The following SMARCAL1 variants were observed in gnomAD, a reference collection of about 807,000 sequenced individuals.
SMARCAL1 encodes the protein SNF2 related chromatin remodeling annealing helicase 1, also known as ATP-driven annealing helicase.
Under a neutral mutation model 94.5 loss-of-function variants are expected in SMARCAL1, and 58 were observed. The ratio of observed to expected loss-of-function variants is 0.61; its 90% CI spans 0.50 to 0.76. SMARCAL1 has a LOEUF of 0.76. Among genes scored for constraint, SMARCAL1 ranks in the 30% least tolerant of loss-of-function variants. The pLI, the probability that SMARCAL1 is intolerant of heterozygous loss-of-function variation, is 0.00. For synonymous variants in SMARCAL1, 422 were observed against 455.1 expected (o/e 0.93, Z 0.93); for missense variants, 1,051 against 1,177.9 (o/e 0.89, Z 1.58).
intron 5 of SMARCAL1, among the ~76,000 whole-genome samples, chr2:216,421,423 G>A (rs932816544): frequency 1.3e-5 from 2 of 152,032 alleles, no homozygotes; most frequent in South Asian, 2.1e-4. Flanking sequence ...TCAGCCTCCC[G>A]AGTAGCAGGG....
intron 7 of SMARCAL1, 42 bp from the exon 8 acceptor site, chr2:216,432,676 A>G (rs370738393): frequency 1.9e-6 from 3 of 1,612,756 alleles, no homozygotes; most frequent in Non-Finnish European, 1.7e-6. Flanking sequence ...AGATGAACTC[A>G]TGCCCCGGGA....
rs775041201 is a variant in SMARCAL1 at position 216,482,112 on chromosome 2, A to G, written c.2626-626A>G. ...TGTTAAATGTGTGTATGTTTTTTCA[A>G]CTACTTTGAAAATTAGGTATAAGCC... On this transcript the variant is annotated intron_variant, in intron 17 of 17. Coordinates refer to ENST00000357276, the MANE Select transcript of SMARCAL1 (RefSeq NM_014140.4). This position sits in a 1 kb window ranked among gnomAD's most constrained non-coding sequence, Gnocchi z 4.3. 1.3e-5 allele frequency among the ~76,000 whole-genome samples: 2 copies of G among 152,160 alleles called. No individual in the cohort carries two copies. The highest frequency in any genetic ancestry group is 2.9e-5 in the Non-Finnish European group (2 of 68,034).
rs554164519 is a variant in SMARCAL1, at chr2:216,468,902, G to A, written c.2244+856G>A. Among the ~76,000 whole-genome samples, 8 of 152,080 alleles carry A rather than the reference G, an allele frequency of 5.3e-5. No individual in the cohort carries two copies. In the East Asian group the frequency reaches 7.7e-4, roughly 15 times the overall value. ...TAATTTTTGTATTTTTAGTAGAGAC[G>A]GGGTTTCACCATGTTGCCCAGGCTG... On this transcript the variant is annotated intron_variant, in intron 14 of 17. Coordinates refer to ENST00000357276, the MANE Select transcript of SMARCAL1 (RefSeq NM_014140.4).
rs1268583834 is a variant in SMARCAL1 at position 216,420,365 on chromosome 2, A to G, written c.929A>G (p.Glu310Gly). Reference sequence around the variant, plus strand: ...CTGGAATGGGCCTATGGCAGCAGCGAGTCACCCTCCACCAGCAGTGAGGGA... The same window carrying G: ...CTGGAATGGGCCTATGGCAGCAGCGGGTCACCCTCCACCAGCAGTGAGGGA... Reference protein sequence around the residue: ...QPLEWAYGSSESPSTSSEGQA... With the variant: ...QPLEWAYGSSGSPSTSSEGQA... Residue 310 changes from glutamate (E) to glycine (G), a missense_variant, in exon 5 of 18, where the codon GAG becomes GGG. This residue lies in a region of SMARCAL1 where 398 missense variants were observed against 395.2 expected (regional missense o/e 1.01). Transcript: ENST00000357276. The G allele has an allele frequency of 6.2e-7, 1 of 1,614,188 alleles. No individual in the cohort carries two copies. The highest frequency in any genetic ancestry group is 1.1e-5 in the South Asian group (1 of 91,088).
chr2:216,465,301 TA>T (rs1278700438), intron 13 of SMARCAL1, among the ~76,000 whole-genome samples: 6 of 152,130 alleles, frequency 3.9e-5, no homozygotes, highest in African/African-American at 1.4e-4. Context: ...TGCTGCTCGT[TA>T]AAAGGAGGGT....
chr2:216,449,608 T>C (rs1450565961), intron 11 of SMARCAL1, among the ~76,000 whole-genome samples: 1 of 152,128 alleles, frequency 6.6e-6, no homozygotes, highest in Non-Finnish European at 1.5e-5. Flanking sequence ...TTAGCAAAGG[T>C]TTATGAGACA....
intron 11 of SMARCAL1, among the ~76,000 whole-genome samples, chr2:216,450,468 G>C (rs768759418): frequency 6.6e-6 from 1 of 152,208 alleles, no homozygotes; most frequent in Non-Finnish European, 1.5e-5. Flanking sequence ...GACTCTGTAG[G>C]ATAAGCCATA....
intron 12 of SMARCAL1, among the ~76,000 whole-genome samples, chr2:216,461,975 A>T (rs1419866520): frequency 2.0e-5 from 3 of 152,226 alleles, no homozygotes; most frequent in Non-Finnish European, 2.9e-5. Context: ...AAAGTAGCTT[A>T]CATAGAAATT....
chr2:216,416,843 A>G (rs1416989207), intron 4 of SMARCAL1, among the ~76,000 whole-genome samples: 1 of 152,198 alleles, frequency 6.6e-6, no homozygotes, highest in Non-Finnish European at 1.5e-5. Flanking sequence ...CAAAAATGCA[A>G]GGAGGGGGCA....
intron 10 of SMARCAL1, among the ~76,000 whole-genome samples, chr2:216,440,972 A>G: frequency 6.6e-6 from 1 of 152,176 alleles, no homozygotes; most frequent in East Asian, 1.9e-4. Flanking sequence ...GAGAACCACC[A>G]ATCTAAATAA....
intron 12 of SMARCAL1, among the ~76,000 whole-genome samples, chr2:216,461,055 GGT>G (rs71054476): frequency 0.33 from 48,170 of 146,060 alleles, 7,630 homozygotes; most frequent in East Asian, 0.4. Context: ...ACTAGAAAGA[GGT>G]GTGTGTGTGT....
At chr2:216,453,593 C>T (rs953865267) in intron 12 of SMARCAL1, among the ~76,000 whole-genome samples, 2 of 152,202 alleles carry the variant, frequency 1.3e-5, no homozygotes, top group Admixed American at 6.5e-5. Flanking sequence ...GCATGTCTTC[C>T]AGACCCTGGC....
At chr2:216,457,247 T>TTCC (rs1694587270) in intron 12 of SMARCAL1, among the ~76,000 whole-genome samples, 1 of 152,102 alleles carries the variant, frequency 6.6e-6, no homozygotes, top group African/African-American at 2.4e-5. Flanking sequence ...ATGGGAGACT[T>TTCC]TAACACCCCA....
At chr2:216,450,771 C>T (rs1291229975) in intron 11 of SMARCAL1, 75 bp from the exon 12 acceptor site, 1 of 1,246,206 alleles carries the variant, frequency 8.0e-7, no homozygotes, top group Non-Finnish European at 1.2e-6. Context: ...AGAGGGACCT[C>T]CCGGGATCCC....
At chr2:216,465,025 T>C (rs1694802769) in intron 13 of SMARCAL1, among the ~76,000 whole-genome samples, 1 of 152,144 alleles carries the variant, frequency 6.6e-6, no homozygotes, top group African/African-American at 2.4e-5. Context: ...CATGCACCTG[T>C]GGTCCCAACT....
At chr2:216,424,426 C>T (rs1693787290) in intron 6 of SMARCAL1, among the ~76,000 whole-genome samples, 1 of 152,166 alleles carries the variant, frequency 6.6e-6, no homozygotes, top group Admixed American at 6.5e-5. Context: ...GGCTTATGTT[C>T]CTCTGCTTTT....
intron 12 of SMARCAL1, among the ~76,000 whole-genome samples, chr2:216,460,850 A>T (rs921847983): frequency 6.6e-6 from 1 of 152,202 alleles, no homozygotes; most frequent in Non-Finnish European, 1.5e-5. Context: ...AAATATATTT[A>T]AAAAAAGAAT....
intron 9 of SMARCAL1, among the ~76,000 whole-genome samples, chr2:216,437,298 C>T (rs887334814): frequency 2.6e-5 from 4 of 152,124 alleles, no homozygotes; most frequent in Non-Finnish European, 1.5e-5. Flanking sequence ...GGCATATGAC[C>T]GTAACACTCC....
chr2:216,460,128 A>G lies in SMARCAL1; in HGVS notation c.2071-4469A>G, dbSNP rs549565950. The stretch of plus-strand genomic sequence containing the variant: ...CATCAGAGAAATGCAAATCAAAACC[A>G]CAATGAGATACCATCTCACACCAGT... On this transcript the variant is annotated intron_variant, in intron 12 of 17. Transcript: ENST00000357276. 1.1e-3 allele frequency among the ~76,000 whole-genome samples: 173 copies of G among 152,328 alleles called. 1 individual carries two copies. Among genetic ancestry groups the G allele is most frequent in the African/African-American group, 3.9e-3 (163 of 41,580 alleles).
Sources: gnomAD v4.1 joint callset for allele counts (sites outside exome capture counted in the v4.1 genomes callset) on GRCh38, gnomAD v4.1.1 for gene constraint, gnomAD v4.1.1 regional missense constraint, Gnocchi (gnomAD v3.1) non-coding constraint, MANE v1.5 for transcripts, NCBI Gene and HGNC (gene_info 2026-07-23, HGNC 2026-07-21) for gene names.